Variants in TEX11 observed in about 807,000 individuals in gnomAD.
TEX11 encodes the protein testis-expressed protein 11.
Under a neutral mutation model 84.4 loss-of-function variants are expected in TEX11, and 7 were observed. That is an observed-to-expected ratio of 0.08 (90% CI 0.05 to 0.16). The LOEUF is 0.16. Ranked by LOEUF, TEX11 falls within the 10% of genes least tolerant of loss-of-function variation. The probability of loss-of-function intolerance (pLI) is 1.00; values close to 1 mark genes in which losing one functional copy is unlikely to be tolerated. For missense variants in TEX11, 551 were observed against 660.5 expected (o/e 0.83, Z 1.82); for synonymous variants, 264 against 222.8 (o/e 1.18, Z -1.64).
intron 21 of TEX11, among the ~76,000 whole-genome samples, chrX:70,609,579 C>G (rs2089235431): frequency 8.9e-6 from 1 of 112,305 alleles, no homozygotes; most frequent in Non-Finnish European, 1.9e-5. Context: ...CAGGACAGAA[C>G]CAGAATGTGC....
At chrX:70,735,532 A>T (rs73220895) in intron 11 of TEX11, among the ~76,000 whole-genome samples, 8,487 of 112,033 alleles carry the variant, frequency 0.076, 282 homozygotes, top group African/African-American at 0.13. Flanking sequence ...TTATAAAAGC[A>T]TAAAGAAGCA....
intron 8 of TEX11, among the ~76,000 whole-genome samples, chrX:70,818,162 G>A (rs1027935068): frequency 5.4e-5 from 6 of 110,563 alleles, no homozygotes; most frequent in East Asian, 2.9e-4. Flanking sequence ...GGTGACGCGC[G>A]CCTGGAATCC....
intron 16 of TEX11, among the ~76,000 whole-genome samples, chrX:70,660,645 T>C: frequency 8.9e-6 from 1 of 112,403 alleles, no homozygotes; most frequent in Non-Finnish European, 1.9e-5. Context: ...TGTCACTTAC[T>C]ATGATAATGC....
At chrX:70,819,704 T>G (rs2091308694) in intron 8 of TEX11, among the ~76,000 whole-genome samples, 1 of 111,389 alleles carries the variant, frequency 9.0e-6, no homozygotes, top group Non-Finnish European at 1.9e-5. Flanking sequence ...CAAAAAAAAG[T>G]TAGAACTAAT....
intron 25 of TEX11, among the ~76,000 whole-genome samples, chrX:70,589,622 A>C (rs1462211776): frequency 9.0e-6 from 1 of 111,379 alleles, no homozygotes; most frequent in Non-Finnish European, 1.9e-5. Flanking sequence ...TGCGGGGTTC[A>C]AGCGATTCTC....
In TEX11 at chrX:70,806,747, G is replaced by A; in HGVS notation, c.650C>T (p.Thr217Ile). The A allele has an allele frequency of 8.4e-7, 1 of 1,190,731 alleles. No individual in the cohort carries two copies. The highest frequency in any genetic ancestry group is 1.1e-6 in the Non-Finnish European group (1 of 882,466). ...HHLCYNFGVE[T>I]QKNNKYEESS... ...TTCTTCATATTTATTATTCTTCTGGGTTTCTACTCCAAAGTTGTAACAGAG... is the reference window on the plus strand; with the variant it reads ...TTCTTCATATTTATTATTCTTCTGGATTTCTACTCCAAAGTTGTAACAGAG... Residue 217 changes from threonine to isoleucine, a missense_variant, in exon 9 of 30, where the codon ACC (threonine) becomes ATC (isoleucine). By Grantham distance (89) the Thr-to-Ile change is moderately conservative (BLOSUM62 -1). Transcript: ENST00000374333.
intron 2 of TEX11, among the ~76,000 whole-genome samples, chrX:70,882,152 T>A (rs754040556): frequency 9.0e-6 from 1 of 111,029 alleles, no homozygotes; most frequent in Non-Finnish European, 1.9e-5. Flanking sequence ...TAGGTAAGTA[T>A]TGGGCTGAGG....
intron 4 of TEX11, among the ~76,000 whole-genome samples, chrX:70,869,882 G>A (rs191613403): frequency 2.4e-4 from 27 of 112,075 alleles, no homozygotes; most frequent in African/African-American, 8.1e-4. Context: ...TCATAATCCA[G>A]CTGTTTATAG....
chrX:70,770,727 TA>T (rs756815920), intron 9 of TEX11, among the ~76,000 whole-genome samples: 7 of 109,814 alleles, frequency 6.4e-5, no homozygotes, highest in East Asian at 2.8e-4. Context: ...AAATTTAAAA[TA>T]AAAAAAAAGA....
intron 13 of TEX11, among the ~76,000 whole-genome samples, chrX:70,688,762 TTA>T (rs2090210600): frequency 9.4e-6 from 1 of 106,663 alleles, no homozygotes; most frequent in Non-Finnish European, 1.9e-5. Context: ...ATATATATAG[TTA>T]TATATAACTA....
At chrX:70,793,555 G>A (rs1421657321) in intron 9 of TEX11, among the ~76,000 whole-genome samples, 2 of 111,328 alleles carry the variant, frequency 1.8e-5, no homozygotes, top group African/African-American at 6.5e-5. Context: ...GCTTTTGCCG[G>A]GTGAAATGTC....
At chrX:70,843,561 G>A (rs1370939487) in intron 7 of TEX11, among the ~76,000 whole-genome samples, 9 of 111,872 alleles carry the variant, frequency 8.0e-5, no homozygotes, top group African/African-American at 2.3e-4. Flanking sequence ...AGGACTTCAT[G>A]TCTAAAACAC....
chrX:70,733,389 T>C lies in TEX11; in HGVS notation c.843+7312A>G, dbSNP rs145507967. 9.4e-3 allele frequency among the ~76,000 whole-genome samples: 1,052 copies of C among 111,645 alleles called. 9 individuals are homozygous for C. The highest frequency in any genetic ancestry group is 0.033 in the African/African-American group (1,023 of 30,696). On this transcript the variant is annotated intron_variant, in intron 11 of 29. Transcript: ENST00000374333. ...CGACCTACAAAATGGGAGAAAATTT[T>C]TGCAATCTACTCATCTGACAAAGGG... is the stretch of plus-strand genomic sequence containing the variant.
At chrX:70,722,510 A>C in intron 13 of TEX11, 108 bp downstream of exon 13, 1 of 571,515 alleles carries the variant, frequency 1.7e-6, no homozygotes, top group South Asian at 3.0e-5. Flanking sequence ...CCTGGGCTCA[A>C]GGGATCCTCC....
chrX:70,671,802 CA>C (rs1427847200), intron 15 of TEX11, among the ~76,000 whole-genome samples: 2 of 103,872 alleles, frequency 1.9e-5, no homozygotes, highest in Non-Finnish European at 3.9e-5. Context: ...CCTACCATAA[CA>C]TTTTTTGGAA....
chrX:70,570,091 T>C (rs933948091), intron 25 of TEX11, among the ~76,000 whole-genome samples: 4 of 111,997 alleles, frequency 3.6e-5, no homozygotes, highest in Admixed American at 9.5e-5. Context: ...TTTGTTTACC[T>C]AAGCAAGCCT....
intron 13 of TEX11, among the ~76,000 whole-genome samples, chrX:70,707,939 C>T (rs2090391056): frequency 9.1e-6 from 1 of 110,439 alleles, no homozygotes. Context: ...GACTTAATTA[C>T]ACTAAAGAGC....
intron 24 of TEX11, 151 bp downstream of exon 24, chrX:70,605,250 G>C (rs2089182278): frequency 8.0e-6 from 3 of 372,940 alleles, no homozygotes; most frequent in Non-Finnish European, 1.4e-5. Flanking sequence ...GCTTAGGAAG[G>C]AATTAGCCAT....
intron 4 of TEX11, among the ~76,000 whole-genome samples, chrX:70,872,823 C>A (rs1433130525): frequency 8.9e-6 from 1 of 111,907 alleles, no homozygotes; most frequent in African/African-American, 3.2e-5. Context: ...TGTCATATGG[C>A]AACACTTATT....
Sources: allele counts gnomAD v4.1 joint callset (sites outside exome capture counted in the v4.1 genomes callset), GRCh38; gene constraint gnomAD v4.1.1; transcripts MANE v1.5; gene names NCBI Gene and HGNC (gene_info 2026-07-23, HGNC 2026-07-21).